The following SET variants were observed in gnomAD, a reference collection of about 807,000 sequenced individuals.
SET encodes SET nuclear proto-oncogene.
In SET, 4 loss-of-function variants were observed where a neutral mutation model predicts 39.0. The ratio of observed to expected loss-of-function variants is 0.10; its 90% CI spans 0.05 to 0.23. The LOEUF is 0.23. Among genes scored for constraint, SET ranks in the 10% least tolerant of loss-of-function variants. SET has a pLI of 1.00. For missense variants in SET, 137 were observed against 329.7 expected, an observed-to-expected ratio of 0.42 and a Z score of 4.53; for synonymous variants, 114 against 115.9, an observed-to-expected ratio of 0.98 and a Z score of 0.11.
intron 7 of SET, among the ~76,000 whole-genome samples, chr9:128,694,310 A>AAT (rs776409183): frequency 4.4e-4 from 67 of 152,186 alleles, no homozygotes; most frequent in Non-Finnish European, 6.5e-4. Context: ...GTACTTAGGC[A>AAT]ATATAGGCAG....
upstream of SET, among the ~76,000 whole-genome samples, chr9:128,685,498 C>T (rs1206352057): frequency 2.6e-5 from 4 of 152,236 alleles, no homozygotes; most frequent in African/African-American, 9.7e-5. Context: ...TTAGTAGGCA[C>T]TGATGGCATG....
chr9:128,691,740 TTA>T, intron 2 of SET, 116 bp from the exon 3 acceptor site: 2 of 975,292 alleles, frequency 2.1e-6, no homozygotes, highest in Non-Finnish European at 1.5e-6. Flanking sequence ...ATAATGGTTA[TTA>T]TAATTTGGTT....
chr9:128,692,456 T>G, intron 3 of SET: 1 of 414,314 alleles, frequency 2.4e-6, no homozygotes, highest in Non-Finnish European at 4.3e-6. Flanking sequence ...CAGCTACTGC[T>G]TTCTATTCTG....
upstream of SET, chr9:128,685,099 G>T (rs901464683): frequency 2.6e-6 from 4 of 1,548,744 alleles, no homozygotes; most frequent in South Asian, 1.2e-5. Context: ...CACTGAGGAG[G>T]AGTCCTACCT....
In SET at chr9:128,692,420, A is replaced by AAAAC. The variant is rs202068042; in HGVS notation, c.275-240_275-239insACAA. On this transcript the variant is annotated intron_variant, in intron 3 of 7. Coordinates refer to ENST00000322030, the MANE Select transcript of SET (RefSeq NM_003011.4). ...TTCAAAAAAAAAAAAAAAAAAAAAA[A>AAAAC]AACCTCAAAGACGGGAAAAGATATA... The AAAAC allele has an allele frequency of 1.8e-3, 471 of 255,088 alleles. 14 individuals are homozygous for AAAAC. The highest frequency in any genetic ancestry group is 0.013 in the African/African-American group (447 of 34,572). 15.8% of individuals were successfully genotyped at this position (255,088 alleles called of 1,614,324 possible). A position where few individuals can be genotyped will look rare whatever the true frequency, so the allele number is the denominator to read the frequency against.
At chr9:128,690,213 G>C (rs1345233394) in intron 1 of SET, 1 of 153,694 alleles carries the variant, frequency 6.5e-6, no homozygotes, top group African/African-American at 2.4e-5. Flanking sequence ...CGGCCGGGAG[G>C]ATGCTCTGGC....
chr9:128,691,664 T>C (rs947673937), intron 2 of SET, among the ~76,000 whole-genome samples, 194 bp from the exon 3 acceptor site: 4 of 152,238 alleles, frequency 2.6e-5, no homozygotes, highest in African/African-American at 9.6e-5. Flanking sequence ...ACAGTCATTA[T>C]TACTCAGTGT....
upstream of SET, among the ~76,000 whole-genome samples, chr9:128,688,579 A>C (rs1861368768): frequency 6.6e-6 from 1 of 152,200 alleles, no homozygotes; most frequent in African/African-American, 2.4e-5. Context: ...ATGTGGCTTC[A>C]GTGTCGTAAC....
chr9:128,687,935 G>A (rs896653233), upstream of SET, among the ~76,000 whole-genome samples: 48 of 152,246 alleles, frequency 3.2e-4, no homozygotes, highest in Admixed American at 2.8e-3. Context: ...AAATGGTACT[G>A]GCCGGGCGCA....
Position 128,689,524 on chromosome 9 carries a change from C to T in SET, c.-59C>T, listed in dbSNP as rs1261699182. The T allele has an allele frequency of 1.2e-6, 1 of 826,814 alleles. No homozygotes were observed. Among genetic ancestry groups the T allele is most frequent in the East Asian group, 3.8e-5 (1 of 26,328 alleles). 51.2% of individuals were successfully genotyped at this position (826,814 alleles called of 1,614,324 possible). ...GCGTGAGGGGAAGCCGCTTGCCCGC[C>T]CCCTTCGCCTTCCCTTCTCTCCCCC... On this transcript the variant is annotated 5_prime_UTR_variant, in exon 1 of 8. Transcript: ENST00000322030.
intron 1 of SET, chr9:128,684,056 AT>A: frequency 4.2e-6 from 6 of 1,420,178 alleles, no homozygotes; most frequent in Non-Finnish European, 5.8e-6. Context: ...ATTTGCAAGG[AT>A]TGACTCTCTG....
chr9:128,691,314 C>T lies in SET; in HGVS notation c.131+87C>T, dbSNP rs77314271. On this transcript the variant is annotated intron_variant, in intron 2 of 7. Transcript: ENST00000322030. ...TTATCGAAGCTATGGTCAAATCTAT[C>T]CACTGTCAAAGGGGAAATGATTCTA... The T allele has an allele frequency of 5.0e-3, 4,123 of 832,568 alleles. 90 individuals are homozygous for T. Among genetic ancestry groups the T allele is most frequent in the East Asian group, 0.044 (1,787 of 40,778 alleles). The allele number at this position is 832,568 out of a possible 1,614,324, so 51.6% of individuals were successfully genotyped here.
At chr9:128,692,141 C>G in intron 3 of SET, 141 bp downstream of exon 3, 1 of 989,972 alleles carries the variant, frequency 1.0e-6, no homozygotes, top group East Asian at 2.6e-5. Flanking sequence ...AATCCCAGCA[C>G]TTTGGGAGGC....
At position 128,689,260 on chromosome 9, in the gene SET, GGA is replaced by G. The variant is rs1861403258; in HGVS notation, c.-319_-318del. On this transcript the variant is annotated 5_prime_UTR_variant, in exon 1 of 8. Transcript: ENST00000322030. ...AGGAGGTGGAGGAGGAGGCGGCTCG[GGA>G]GAGCGAGCAGCGAGCTGGCTGGATC... is the stretch of plus-strand genomic sequence containing the variant. 9.9e-7 allele frequency: 1 copy of G among 1,006,068 alleles called. No homozygotes were observed. Among genetic ancestry groups the G allele is most frequent in the South Asian group, 4.6e-5 (1 of 21,840 alleles). 62.3% of individuals were successfully genotyped at this position (1,006,068 alleles called of 1,614,324 possible). A position where few individuals can be genotyped will look rare whatever the true frequency, so the allele number is the denominator to read the frequency against.
chr9:128,692,312 G>C, intron 3 of SET: 1 of 256,386 alleles, frequency 3.9e-6, no homozygotes, highest in Non-Finnish European at 7.2e-6. Flanking sequence ...CAGGAGAATC[G>C]CTTGAACCCA....
At position 128,695,918 on chromosome 9, in the gene SET, C is replaced by T. The variant is rs375728256; in HGVS notation, c.*1254C>T. The T allele has an allele frequency of 1.4e-3, 320 of 227,278 alleles. No individual in the cohort carries two copies. The highest frequency in any genetic ancestry group is 2.7e-3 in the Middle Eastern group (2 of 746). The allele number at this position is 227,278 out of a possible 1,614,324, so 14.1% of individuals were successfully genotyped here. A position where few individuals can be genotyped will look rare whatever the true frequency, so the allele number is the denominator to read the frequency against. ...TCCAACAGACCTGGTGCTCTAATGC[C>T]AAGTTATACACGGGACAGTTGCTGG... On this transcript the variant is annotated 3_prime_UTR_variant, in exon 8 of 8. Coordinates refer to ENST00000322030, the MANE Select transcript of SET (RefSeq NM_003011.4).
At chr9:128,692,099 C>CA in intron 3 of SET, 99 bp downstream of exon 3, 3 of 1,419,922 alleles carry the variant, frequency 2.1e-6, no homozygotes, top group Non-Finnish European at 2.9e-6. Context: ...TTGCGTGCAA[C>CA]AAAGACAGGC....
chr9:128,690,047 G>A (rs958131627), intron 1 of SET: 116 of 978,334 alleles, frequency 1.2e-4, no homozygotes, highest in Non-Finnish European at 1.4e-4. Context: ...ACGCGGCCCC[G>A]CGCCCGACCT....
At chr9:128,684,535 C>T (rs1861224547), upstream of SET, among the ~76,000 whole-genome samples, 1 of 152,136 alleles carries the variant, frequency 6.6e-6, no homozygotes, top group Non-Finnish European at 1.5e-5. Context: ...GCTTAAACCC[C>T]TCCCTTGCCT....
Sources: gnomAD v4.1 joint callset for allele counts (sites outside exome capture counted in the v4.1 genomes callset) on GRCh38, gnomAD v4.1.1 for gene constraint, MANE v1.5 for transcripts, NCBI Gene and HGNC (gene_info 2026-07-23, HGNC 2026-07-21) for gene names.